Variants in SCFD2 observed in about 807,000 individuals in gnomAD.
The protein encoded by SCFD2 is sec1 family domain containing 2, also known as sec1 family domain-containing protein 2.
SCFD2 carries 54 observed loss-of-function variants against 58.9 expected under a neutral mutation model. The observed-to-expected ratio is 0.92, with a 90% CI of 0.74 to 1.15. SCFD2 has a LOEUF of 1.15. SCFD2 is among the 50% of genes most tolerant of loss of function. The pLI is 0.00. For missense variants in SCFD2, 805 were observed against 836.6 expected, an observed-to-expected ratio of 0.96 and a Z score of 0.47; for synonymous variants, 321 against 335.9, an observed-to-expected ratio of 0.96 and a Z score of 0.49.
At chr4:53,086,001 T>C (rs1724294748) in intron 5 of SCFD2, among the ~76,000 whole-genome samples, 1 of 151,876 alleles carries the variant, frequency 6.6e-6, no homozygotes, top group African/African-American at 2.4e-5. Flanking sequence ...GAGTAAAATA[T>C]CCCACAAGCA....
chr4:53,202,854 T>C (rs1728292144), intron 4 of SCFD2, among the ~76,000 whole-genome samples: 1 of 152,198 alleles, frequency 6.6e-6, no homozygotes, highest in Non-Finnish European at 1.5e-5. Flanking sequence ...TAAGAATGCT[T>C]GTGATTTTTG....
At chr4:53,326,670 A>G (rs1733208232) in intron 2 of SCFD2, among the ~76,000 whole-genome samples, 1 of 152,200 alleles carries the variant, frequency 6.6e-6, no homozygotes, top group African/African-American at 2.4e-5. Flanking sequence ...TTCCTAGAAG[A>G]TATGCAGTCT....
intron 7 of SCFD2, among the ~76,000 whole-genome samples, chr4:52,894,191 GTT>G (rs1006537729): frequency 9.9e-5 from 15 of 152,014 alleles, no homozygotes; most frequent in Admixed American, 3.3e-4. Context: ...TTTTAAAATT[GTT>G]TTCCAATTAA....
At chr4:53,104,532 AAC>A (rs1267861285) in intron 5 of SCFD2, among the ~76,000 whole-genome samples, 6 of 152,222 alleles carry the variant, frequency 3.9e-5, no homozygotes, top group Non-Finnish European at 8.8e-5. Context: ...ATTAGGTAGA[AAC>A]TAAGGAAATC....
intron 4 of SCFD2, among the ~76,000 whole-genome samples, chr4:53,222,259 A>G (rs1729068350): frequency 6.6e-6 from 1 of 152,250 alleles, no homozygotes; most frequent in Non-Finnish European, 1.5e-5. Context: ...GAGAATAAAA[A>G]TCTTGGTTTT....
intron 4 of SCFD2, among the ~76,000 whole-genome samples, chr4:53,208,905 T>C (rs1728518099): frequency 6.6e-6 from 1 of 152,160 alleles, no homozygotes; most frequent in Non-Finnish European, 1.5e-5. Context: ...TGCCTGCCTT[T>C]AGGCAACTAA....
At chr4:53,273,591 A>T in intron 4 of SCFD2, 5 of 388,852 alleles carry the variant, frequency 1.3e-5, no homozygotes, top group Non-Finnish European at 2.3e-5. Context: ...CAATGCTCAA[A>T]AAACATCCTT....
At chr4:53,179,645 T>C (rs1440540794) in intron 4 of SCFD2, among the ~76,000 whole-genome samples, 1 of 152,058 alleles carries the variant, frequency 6.6e-6, no homozygotes, top group South Asian at 2.1e-4. Flanking sequence ...AATTCACACA[T>C]AACAATATTA....
In SCFD2 at chr4:53,359,841, A is replaced by G. The variant is rs774945620; in HGVS notation, c.838+5263T>C. ...AGGGCCAGGAGCACCCTTGCCAACA[A>G]TAATGCCACTAACATCATCTACCCT... On this transcript the variant is annotated intron_variant, in intron 1 of 8. Coordinates refer to ENST00000401642, the MANE Select transcript of SCFD2 (RefSeq NM_152540.4). Among the ~76,000 whole-genome samples, 18 of 152,312 alleles carry G rather than the reference A, an allele frequency of 1.2e-4. No homozygotes were observed. In the East Asian group the frequency reaches 3.5e-3, roughly 29 times the overall value.
intron 3 of SCFD2, among the ~76,000 whole-genome samples, chr4:53,297,402 G>T (rs548156614): frequency 6.6e-6 from 1 of 151,414 alleles, no homozygotes; most frequent in East Asian, 1.9e-4. Context: ...GCCCTTCTTC[G>T]TCTCTTTTGA....
At chr4:53,254,478 CTTTT>C (rs1730521212) in intron 4 of SCFD2, among the ~76,000 whole-genome samples, 2 of 151,448 alleles carry the variant, frequency 1.3e-5, no homozygotes, top group Non-Finnish European at 2.9e-5. Flanking sequence ...AACCTTTTTT[CTTTT>C]TTTCTTTTTT....
intron 5 of SCFD2, among the ~76,000 whole-genome samples, chr4:53,110,256 A>G (rs1189209827): frequency 7.2e-5 from 11 of 151,960 alleles, no homozygotes; most frequent in African/African-American, 2.4e-4. Context: ...ATGGATTAAA[A>G]TATTAAATGT....
intron 2 of SCFD2, among the ~76,000 whole-genome samples, chr4:53,327,548 T>C (rs1375632836): frequency 1.3e-5 from 2 of 151,942 alleles, no homozygotes; most frequent in Non-Finnish European, 2.9e-5. Context: ...GCCTAAATGG[T>C]ATGGAGTCTC....
intron 4 of SCFD2, among the ~76,000 whole-genome samples, chr4:53,236,965 T>C (rs1208693382): frequency 8.6e-5 from 13 of 151,186 alleles, no homozygotes; most frequent in African/African-American, 3.2e-4. Flanking sequence ...TCTCTGGTTT[T>C]CCTAGGCAGA....
chr4:53,326,815 T>G (rs777974534), intron 2 of SCFD2, among the ~76,000 whole-genome samples: 16 of 152,096 alleles, frequency 1.1e-4, no homozygotes, highest in Non-Finnish European at 2.2e-4. Context: ...GGTCCACAGG[T>G]GAATATCTTT....
chr4:53,188,266 A>G (rs1255072614), intron 4 of SCFD2, among the ~76,000 whole-genome samples: 1 of 152,192 alleles, frequency 6.6e-6, no homozygotes, highest in Admixed American at 6.6e-5. Context: ...AACACTTCCA[A>G]TCTGTGTTTA....
chr4:53,352,627 C>T lies in SCFD2; in HGVS notation c.978G>A (p.Val326=), dbSNP rs1412272934. 4 of 1,613,618 alleles carry T rather than the reference C, an allele frequency of 2.5e-6. No individual in the cohort carries two copies. Among genetic ancestry groups the T allele is most frequent in the Non-Finnish European group, 3.4e-6 (4 of 1,179,672 alleles). The change falls in exon 2 of 9, where the codon GTG becomes GTA. Residue 326 remains valine (V), a synonymous_variant. Coordinates refer to ENST00000401642, the MANE Select transcript of SCFD2 (RefSeq NM_152540.4). ...ALHTEEENYN[V]VAPGCLSQSS... is the part of the protein sequence containing the mutation. ...ATTGTGAAAGACAGCCTGGTGCAACCACATTATAATTTTCCTCCTCAGTAT... is the reference window on the plus strand; with the variant it reads ...ATTGTGAAAGACAGCCTGGTGCAACTACATTATAATTTTCCTCCTCAGTAT...
chr4:52,906,519 A>C (rs1260305798), intron 7 of SCFD2, among the ~76,000 whole-genome samples: 1 of 152,182 alleles, frequency 6.6e-6, no homozygotes, highest in Non-Finnish European at 1.5e-5. Flanking sequence ...TTTATTAAAA[A>C]ATATAGAAGG....
At chr4:53,032,610 T>C (rs1173222986) in intron 5 of SCFD2, among the ~76,000 whole-genome samples, 1 of 151,804 alleles carries the variant, frequency 6.6e-6, no homozygotes, top group African/African-American at 2.4e-5. Flanking sequence ...ACCAAGCAAA[T>C]GTAAAGCAAA....
Sources: allele counts gnomAD v4.1 joint callset (sites outside exome capture counted in the v4.1 genomes callset), GRCh38; gene constraint gnomAD v4.1.1; transcripts MANE v1.5; gene names NCBI Gene and HGNC (gene_info 2026-07-23, HGNC 2026-07-21).